Variants in LAMA4 observed in about 807,000 individuals in gnomAD.
LAMA4 encodes the protein laminin subunit alpha 4.
In LAMA4, 127 loss-of-function variants were observed where a neutral mutation model predicts 207.1. That is an observed-to-expected ratio of 0.61 (90% CI 0.53 to 0.71). LAMA4 has a LOEUF of 0.71. LAMA4 is among the 30% of genes least tolerant of loss of function. The probability of loss-of-function intolerance (pLI) is 0.00; values close to 1 mark genes in which losing one functional copy is unlikely to be tolerated. For missense variants in LAMA4, 2,093 were observed against 2,246.5 expected (o/e 0.93, Z 1.38); for synonymous variants, 761 against 816.0 (o/e 0.93, Z 1.15).
In LAMA4 at chr6:112,216,386, G is replaced by T; in HGVS notation, c.279C>A (p.Asp93Glu). The change falls in exon 3 of 39, where the codon GAC (aspartate) becomes GAA (glutamate). Residue 93 changes from aspartate (D) to glutamate (E), a missense_variant. This residue lies in a region of LAMA4 where 1,704 missense variants were observed against 1,788.4 expected (regional missense o/e 0.95). Coordinates refer to ENST00000230538, the MANE Select transcript of LAMA4 (RefSeq NM_001105206.3). ...AACTTACCACACAGTATCCTGAGCC[G>T]TCCAAACACTCGTTGGAATTGCCAT... is the stretch of plus-strand genomic sequence containing the variant. ...DCNGNSNECL[D>E]GSGYCVHCQR... 1 of 1,612,496 alleles carries T rather than the reference G, an allele frequency of 6.2e-7. No individual in the cohort carries two copies. The highest frequency in any genetic ancestry group is 8.5e-7 in the Non-Finnish European group (1 of 1,178,538).
chr6:112,157,627 T>G (rs1554337307), intron 14 of LAMA4, among the ~76,000 whole-genome samples: 1 of 152,208 alleles, frequency 6.6e-6, no homozygotes, highest in Non-Finnish European at 1.5e-5. Flanking sequence ...CACTGTTTGT[T>G]GCAGAGTGGC....
At chr6:112,221,856 C>A (rs1490037123) in intron 2 of LAMA4, among the ~76,000 whole-genome samples, 1 of 152,132 alleles carries the variant, frequency 6.6e-6, no homozygotes, top group African/African-American at 2.4e-5. Flanking sequence ...TCAAAAATTT[C>A]CAAAATATTC....
intron 18 of LAMA4, among the ~76,000 whole-genome samples, chr6:112,146,818 C>G (rs1343246658): frequency 6.6e-6 from 1 of 152,062 alleles, no homozygotes; most frequent in Non-Finnish European, 1.5e-5. Flanking sequence ...TTGATTAATA[C>G]AGAGGTAAAT....
chr6:112,186,005 C>T (rs2301513), intron 8 of LAMA4, among the ~76,000 whole-genome samples: 40,378 of 152,110 alleles, frequency 0.27, 8,011 homozygotes, highest in African/African-American at 0.55. Flanking sequence ...TGTGTTCCAA[C>T]AGGTAATTTT....
intron 17 of LAMA4, among the ~76,000 whole-genome samples, chr6:112,149,738 C>T (rs978802615): frequency 2.6e-5 from 4 of 152,144 alleles, no homozygotes; most frequent in South Asian, 4.1e-4. Flanking sequence ...CAATGCCCAG[C>T]TCACACTAAG....
chr6:112,215,638 A>T (rs1554358357), intron 3 of LAMA4, among the ~76,000 whole-genome samples: 4 of 152,184 alleles, frequency 2.6e-5, no homozygotes, highest in Non-Finnish European at 1.5e-5. Context: ...TATGACTTCC[A>T]CTGAAGCCAC....
intron 31 of LAMA4, among the ~76,000 whole-genome samples, chr6:112,127,928 A>G (rs1194941084): frequency 1.3e-5 from 2 of 152,210 alleles, no homozygotes; most frequent in Non-Finnish European, 2.9e-5. Context: ...TAAATGAATG[A>G]GAAAGAATAG....
At chr6:112,124,244 C>T (rs1013405083) in intron 31 of LAMA4, among the ~76,000 whole-genome samples, 1 of 152,126 alleles carries the variant, frequency 6.6e-6, no homozygotes, top group East Asian at 1.9e-4. Flanking sequence ...AAGGATCTCA[C>T]GCTTTCTTAG....
chr6:112,115,873 T>C lies in LAMA4; in HGVS notation c.5102A>G (p.Lys1701Arg). The part of the protein sequence containing the change: ...VNGEYLNVHM[K>R]NGQVIVKVNN... ...TTTTTCAGACACTACCTGTCCATTT[T>C]TCATGTGAACATTTAGGTACTCCCC... The change falls in exon 36 of 39, where the codon AAA becomes AGA. Residue 1701 changes from lysine to arginine, a missense_variant. By Grantham distance (26) the Lys-to-Arg change is conservative. Transcript: ENST00000230538. 6.2e-7 allele frequency: 1 copy of C among 1,613,350 alleles called. No homozygotes were observed. Among genetic ancestry groups the C allele is most frequent in the Non-Finnish European group, 8.5e-7 (1 of 1,179,426 alleles).
chr6:112,228,494 A>G (rs890497028), intron 2 of LAMA4, among the ~76,000 whole-genome samples: 2 of 152,138 alleles, frequency 1.3e-5, no homozygotes, highest in Non-Finnish European at 2.9e-5. Flanking sequence ...AGAGAGTGTA[A>G]ATGAAGAGAA....
intron 32 of LAMA4, among the ~76,000 whole-genome samples, chr6:112,120,969 G>A (rs1440115876): frequency 6.6e-6 from 1 of 151,880 alleles, no homozygotes; most frequent in African/African-American, 2.4e-5. Context: ...AGCTACTTGG[G>A]AGGCTAAGGT....
intron 24 of LAMA4, among the ~76,000 whole-genome samples, chr6:112,138,802 G>A (rs1331804319): frequency 6.6e-6 from 1 of 152,030 alleles, no homozygotes; most frequent in South Asian, 2.1e-4. Flanking sequence ...ATTGATTAGG[G>A]CATATGGTTT....
intron 9 of LAMA4, 109 bp from the exon 10 acceptor site, chr6:112,178,341 T>C (rs1782145284): frequency 5.1e-6 from 4 of 785,796 alleles, no homozygotes; most frequent in Non-Finnish European, 8.8e-6. Flanking sequence ...TAAATCTTCC[T>C]GGCATGTGAA....
intron 2 of LAMA4, among the ~76,000 whole-genome samples, chr6:112,221,030 A>G (rs1321936244): frequency 6.6e-6 from 1 of 152,160 alleles, no homozygotes; most frequent in Non-Finnish European, 1.5e-5. Context: ...TAAATCACTT[A>G]CATACTCGAA....
chr6:112,210,326 G>A lies in LAMA4; in HGVS notation c.298-3181C>T, dbSNP rs1198087110. Among the ~76,000 whole-genome samples, 4 of 152,040 alleles carry A rather than the reference G, an allele frequency of 2.6e-5. No homozygotes were observed. The East Asian group carries it at 7.7e-4, about 29-fold the overall frequency. On this transcript the variant is annotated intron_variant, in intron 3 of 38. Transcript: ENST00000230538. ...TATGACTTTATAGCAGTGTTAGAAT[G>A]GATTAATACAGGAGGAAAAGTTCAT... is the stretch of plus-strand genomic sequence containing the variant.
intron 2 of LAMA4, among the ~76,000 whole-genome samples, chr6:112,245,536 T>C (rs937273539): frequency 5.9e-5 from 9 of 152,180 alleles, no homozygotes. Flanking sequence ...CCTAGAGTCC[T>C]TGATTTCCTT....
intron 2 of LAMA4, chr6:112,217,913 G>A (rs1554359265): frequency 6.6e-6 from 1 of 152,120 alleles, no homozygotes; most frequent in Non-Finnish European, 1.5e-5. Context: ...AGTCTTTGCC[G>A]CAAAGTAAAA....
rs375257474 is a variant in LAMA4, at chr6:112,114,784, T to C, written c.5113-28A>G. On this transcript the variant is annotated intron_variant, in intron 36 of 38. Coordinates refer to ENST00000230538, the MANE Select transcript of LAMA4 (RefSeq NM_001105206.3). ...GCAAAAGATAGGACACATTGTATGA[T>C]TTAGTTTGTCCTCATTGTGATAAAA... The C allele has an allele frequency of 3.7e-5, 55 of 1,471,224 alleles. No individual in the cohort carries two copies. In the African/African-American group the frequency reaches 6.5e-4, roughly 17 times the overall value. 91.1% of individuals were successfully genotyped at this position (1,471,224 alleles called of 1,614,324 possible). A position where few individuals can be genotyped will look rare whatever the true frequency, so the allele number is the denominator to read the frequency against.
At chr6:112,216,542 C>A in intron 2 of LAMA4, 73 bp from the exon 3 acceptor site, 1 of 966,908 alleles carries the variant, frequency 1.0e-6, no homozygotes, top group Non-Finnish European at 1.7e-6. Flanking sequence ...GAGAAGAAAT[C>A]AGAGAAAGTG....
Sources: gnomAD v4.1 joint callset for allele counts (sites outside exome capture counted in the v4.1 genomes callset) on GRCh38, gnomAD v4.1.1 for gene constraint, gnomAD v4.1.1 regional missense constraint, MANE v1.5 for transcripts, NCBI Gene and HGNC (gene_info 2026-07-23, HGNC 2026-07-21) for gene names.